The following OLFM1 variants were observed in gnomAD, a reference collection of about 807,000 sequenced individuals.
OLFM1 encodes the protein olfactomedin 1, also known as noelin.
In OLFM1, 9 loss-of-function variants were observed where a neutral mutation model predicts 49.7. That is an observed-to-expected ratio of 0.18 (90% CI 0.11 to 0.32). The LOEUF is 0.32. Among genes scored for constraint, OLFM1 ranks in the 10% least tolerant of loss-of-function variants. OLFM1 has a pLI of 1.00. For synonymous variants in OLFM1, 240 were observed against 271.8 expected, an observed-to-expected ratio of 0.88 and a Z score of 1.15; for missense variants, 369 against 661.8, an observed-to-expected ratio of 0.56 and a Z score of 4.85.
intron 5 of OLFM1, among the ~76,000 whole-genome samples, chr9:135,107,838 G>T (rs1215599157): frequency 6.6e-6 from 1 of 152,190 alleles, no homozygotes; most frequent in Non-Finnish European, 1.5e-5. Context: ...TTGAAGGAAG[G>T]GATGGACCCA....
chr9:135,087,022 G>A (rs926754389), upstream of OLFM1, among the ~76,000 whole-genome samples: 1 of 152,210 alleles, frequency 6.6e-6, no homozygotes, highest in Non-Finnish European at 1.5e-5. Flanking sequence ...GCGGGCCACG[G>A]CAGACCACCC....
chr9:135,117,896 T>C lies in OLFM1; in HGVS notation c.784-1608T>C, dbSNP rs1831116790. 6.6e-6 allele frequency among the ~76,000 whole-genome samples: 1 copy of C among 152,242 alleles called. No individual in the cohort carries two copies. Among genetic ancestry groups the C allele is most frequent in the Admixed American group, 6.5e-5 (1 of 15,288 alleles). On this transcript the variant is annotated intron_variant, in intron 5 of 5. Coordinates refer to ENST00000371793, the MANE Select transcript of OLFM1 (RefSeq NM_001282611.2). This position sits in a 1 kb window ranked among gnomAD's most constrained non-coding sequence, Gnocchi z 5.5. ...CCTTTCTTCAAACTGTGTGTTCCCA[T>C]CTCACCTTCCCACTAGACCCTTTCT...
intron 4 of OLFM1, among the ~76,000 whole-genome samples, chr9:135,102,360 G>A (rs908763923): frequency 6.6e-6 from 1 of 152,228 alleles, no homozygotes; most frequent in Non-Finnish European, 1.5e-5. Flanking sequence ...AGCACACATG[G>A]TGCGTTCAAG....
At chr9:135,115,315 C>T (rs1029033945) in intron 5 of OLFM1, among the ~76,000 whole-genome samples, 3 of 152,174 alleles carry the variant, frequency 2.0e-5, no homozygotes, top group East Asian at 1.9e-4. Context: ...GGGAGGAGGC[C>T]GGCGAAGCCT....
chr9:135,116,705 A>G (rs1285383438), intron 5 of OLFM1, among the ~76,000 whole-genome samples: 2 of 152,032 alleles, frequency 1.3e-5, no homozygotes, highest in Non-Finnish European at 2.9e-5. Flanking sequence ...GTCTGATGAG[A>G]TAGCCAAGCA....
chr9:135,119,424 C>T (rs1007630100), intron 5 of OLFM1, 80 bp from the exon 6 acceptor site: 2 of 1,227,196 alleles, frequency 1.6e-6, no homozygotes, highest in Admixed American at 2.0e-5. Flanking sequence ...CTCACTGGAT[C>T]TTTGGAAGTG....
At chr9:135,108,528 G>A (rs1018017677) in intron 5 of OLFM1, among the ~76,000 whole-genome samples, 5 of 151,998 alleles carry the variant, frequency 3.3e-5, no homozygotes, top group Admixed American at 2.6e-4. Flanking sequence ...AGCGACTCCG[G>A]AGGCTGAGGC....
intron 2 of OLFM1, among the ~76,000 whole-genome samples, chr9:135,091,081 C>T (rs924634387): frequency 6.6e-6 from 1 of 152,188 alleles, no homozygotes; most frequent in Non-Finnish European, 1.5e-5. Context: ...CTTATTTGTC[C>T]CAAGCCAAAC....
chr9:135,106,834 C>A lies in OLFM1; in HGVS notation c.762C>A (p.Leu254=). ...TCGGATCCTGGATGACAGACCCTCT[C>A]GCCCCTGAAGGCGATAACCGGGTGA... The part of the protein sequence containing the change: ...SRFGSWMTDP[L]APEGDNRVWY... Residue 254 remains leucine (L), a synonymous_variant, in exon 5 of 6, where the codon CTC becomes CTA. Coordinates refer to ENST00000371793, the MANE Select transcript of OLFM1 (RefSeq NM_001282611.2). The A allele has an allele frequency of 6.2e-7, 1 of 1,611,646 alleles. No individual in the cohort carries two copies. Among genetic ancestry groups the A allele is most frequent in the Non-Finnish European group, 8.5e-7 (1 of 1,179,020 alleles).
chr9:135,104,021 C>A (rs182213259), intron 4 of OLFM1, among the ~76,000 whole-genome samples: 1 of 152,338 alleles, frequency 6.6e-6, no homozygotes, highest in East Asian at 1.9e-4. Context: ...TCATTCCATA[C>A]AAATCCCCAG....
rs1273874458 is a variant in OLFM1, at chr9:135,078,501, G to GGTGT, written c.96+2699_96+2700insGTGT. Among the ~76,000 whole-genome samples, 7 of 152,346 alleles carry GGTGT rather than the reference G, an allele frequency of 4.6e-5. No homozygotes were observed. In the East Asian group the frequency reaches 1.2e-3, roughly 25 times the overall value. On this transcript the variant is annotated intron_variant, in intron 1 of 5. Coordinates refer to the OLFM1 transcript ENST00000252854. ...GACACTCAATCAAACACCAACCGTT[G>GGTGT]ATGGATGGCCTACGACACGCAAGGC...
chr9:135,112,426 C>T (rs770270055), intron 5 of OLFM1, among the ~76,000 whole-genome samples: 8 of 152,232 alleles, frequency 5.3e-5, no homozygotes, highest in Admixed American at 2.0e-4. Context: ...AGGATTTTTG[C>T]GTGGAGCCAT....
At chr9:135,108,704 T>C (rs780747549) in intron 5 of OLFM1, among the ~76,000 whole-genome samples, 6 of 151,924 alleles carry the variant, frequency 3.9e-5, no homozygotes, top group Non-Finnish European at 7.4e-5. Flanking sequence ...TTTCTTTTCA[T>C]GCATTAACTC....
At chr9:135,118,988 G>A (rs187162361) in intron 5 of OLFM1, among the ~76,000 whole-genome samples, 1 of 149,388 alleles carries the variant, frequency 6.7e-6, no homozygotes, top group African/African-American at 2.5e-5. Context: ...TCTTTGGCAT[G>A]CTCGCCGGGT....
intron 5 of OLFM1, among the ~76,000 whole-genome samples, chr9:135,109,436 G>T (rs912361460): frequency 3.2e-4 from 49 of 152,288 alleles, no homozygotes; most frequent in Middle Eastern, 3.4e-3. Flanking sequence ...GGTGGGTAGA[G>T]TGTGGGGAGA....
At chr9:135,104,484 C>T (rs1830912147) in intron 4 of OLFM1, among the ~76,000 whole-genome samples, 1 of 152,186 alleles carries the variant, frequency 6.6e-6, no homozygotes, top group Non-Finnish European at 1.5e-5. Context: ...TCACGGAAGG[C>T]CCGGCGTGTT....
chr9:135,110,653 C>G (rs1199019747), intron 5 of OLFM1, among the ~76,000 whole-genome samples: 1 of 152,190 alleles, frequency 6.6e-6, no homozygotes, highest in Non-Finnish European at 1.5e-5. Context: ...CCAGTCACTT[C>G]TCAGTGTGAG....
upstream of OLFM1, among the ~76,000 whole-genome samples, chr9:135,083,750 C>T (rs1264001949): frequency 6.6e-6 from 1 of 152,188 alleles, no homozygotes; most frequent in African/African-American, 2.4e-5. Flanking sequence ...TCCTGTCATT[C>T]GAGGGCCCTG....
At chr9:135,104,707 C>T (rs1197051018) in intron 4 of OLFM1, among the ~76,000 whole-genome samples, 3 of 152,176 alleles carry the variant, frequency 2.0e-5, no homozygotes, top group Non-Finnish European at 4.4e-5. Context: ...TGAAGGGCTT[C>T]TCCCAGCGCC....
Sources: gnomAD v4.1 joint callset for allele counts (sites outside exome capture counted in the v4.1 genomes callset) on GRCh38, gnomAD v4.1.1 for gene constraint, Gnocchi (gnomAD v3.1) non-coding constraint, MANE v1.5 for transcripts, NCBI Gene and HGNC (gene_info 2026-07-23, HGNC 2026-07-21) for gene names.